Variants in CNTNAP5 observed in about 807,000 individuals in gnomAD.
CNTNAP5 encodes the protein contactin-associated protein-like 5.
A neutral mutation model predicts 150.2 loss-of-function variants in CNTNAP5; 72 were observed. That is an observed-to-expected ratio of 0.48 (90% CI 0.40 to 0.58). The LOEUF (loss-of-function observed/expected upper bound fraction) is 0.58, where lower values mean the gene tolerates loss of function less well. Ranked by LOEUF, CNTNAP5 falls within the 20% of genes least tolerant of loss-of-function variation. The probability of loss-of-function intolerance (pLI) is 0.00; values close to 1 mark genes in which losing one functional copy is unlikely to be tolerated. For synonymous variants in CNTNAP5, 672 were observed against 619.8 expected, an observed-to-expected ratio of 1.08 and a Z score of -1.25; for missense variants, 1,636 against 1,626.2, an observed-to-expected ratio of 1.01 and a Z score of -0.10.
At chr2:124,414,473 A>T (rs1296601284) in intron 3 of CNTNAP5, among the ~76,000 whole-genome samples, 1 of 152,100 alleles carries the variant, frequency 6.6e-6, no homozygotes, top group African/African-American at 2.4e-5. Flanking sequence ...CTTGACCATG[A>T]GCCTCTAAGA....
intron 1 of CNTNAP5, among the ~76,000 whole-genome samples, chr2:124,183,403 T>C (rs534650453): frequency 1.3e-5 from 2 of 152,340 alleles, no homozygotes; most frequent in East Asian, 3.9e-4. Flanking sequence ...ATAGTAAAAA[T>C]GTCTAGTTTC....
chr2:124,389,836 C>T (rs1472532472), intron 3 of CNTNAP5, among the ~76,000 whole-genome samples: 1 of 152,024 alleles, frequency 6.6e-6, no homozygotes, highest in East Asian at 1.9e-4. Context: ...TGTGGTTGTA[C>T]CTGCCTCTTG....
At chr2:124,311,587 G>T (rs917572247) in intron 3 of CNTNAP5, among the ~76,000 whole-genome samples, 2 of 152,164 alleles carry the variant, frequency 1.3e-5, no homozygotes, top group African/African-American at 4.8e-5. Flanking sequence ...GGGGGCTAAG[G>T]TTTCCATTCA....
chr2:124,886,653 A>C lies in CNTNAP5; in HGVS notation c.3437-16229A>C, dbSNP rs1346199281. The stretch of plus-strand genomic sequence containing the variant: ...CAAACCTACTTTTCAGTAGGTGATG[A>C]AAAAGAAATTGAGCTTGATGATATT... On this transcript the variant is annotated intron_variant, in intron 21 of 23. Transcript: ENST00000682447. 1.3e-5 allele frequency among the ~76,000 whole-genome samples: 2 copies of C among 152,210 alleles called. 1 individual carries two copies. Among genetic ancestry groups the C allele is most frequent in the African/African-American group, 4.8e-5 (2 of 41,538 alleles).
chr2:124,266,452 C>T (rs1687609698), intron 3 of CNTNAP5, among the ~76,000 whole-genome samples: 2 of 152,114 alleles, frequency 1.3e-5, no homozygotes, highest in South Asian at 4.2e-4. Flanking sequence ...AGCTAAATTT[C>T]GCCTTCCAAA....
intron 3 of CNTNAP5, among the ~76,000 whole-genome samples, chr2:124,385,800 C>A (rs1461134943): frequency 1.3e-5 from 2 of 151,996 alleles, no homozygotes; most frequent in African/African-American, 4.8e-5. Flanking sequence ...CCAAGAAGTG[C>A]CCCCTGAGTA....
At chr2:124,336,472 C>A (rs1689471438) in intron 3 of CNTNAP5, among the ~76,000 whole-genome samples, 1 of 151,774 alleles carries the variant, frequency 6.6e-6, no homozygotes, top group Non-Finnish European at 1.5e-5. Flanking sequence ...GTGCTGCACC[C>A]ATTGACTCGT....
intron 19 of CNTNAP5, among the ~76,000 whole-genome samples, chr2:124,863,575 C>T (rs1677568837): frequency 6.6e-6 from 1 of 152,188 alleles, no homozygotes; most frequent in Non-Finnish European, 1.5e-5. Flanking sequence ...CCTCATAGCT[C>T]CAAACTACAT....
rs200939842 is a variant in CNTNAP5, at chr2:124,372,803, C to T, written c.382-44640C>T. On this transcript the variant is annotated intron_variant, in intron 3 of 23. Coordinates refer to ENST00000682447, the MANE Select transcript of CNTNAP5 (RefSeq NM_001367498.1). Reference sequence around the variant, plus strand: ...AGAATTGTGCTAACTGGTACATGTACCAAGAATTAATAATGCAACACCCAT... The same window carrying T: ...AGAATTGTGCTAACTGGTACATGTATCAAGAATTAATAATGCAACACCCAT... 9.2e-5 allele frequency among the ~76,000 whole-genome samples: 14 copies of T among 152,048 alleles called. No homozygotes were observed. The East Asian group carries it at 2.7e-3, about 30-fold the overall frequency.
chr2:124,780,191 G>A (rs993745479), intron 17 of CNTNAP5, among the ~76,000 whole-genome samples: 2 of 152,120 alleles, frequency 1.3e-5, no homozygotes, highest in Admixed American at 6.5e-5. Flanking sequence ...ATGCAGCAAT[G>A]GATGTCCCTG....
chr2:124,126,611 GA>G (rs34076642), intron 1 of CNTNAP5, among the ~76,000 whole-genome samples: 13,711 of 152,130 alleles, frequency 0.09, 817 homozygotes, highest in East Asian at 0.36. Context: ...AACAAAAAAA[GA>G]GAATTTTAGT....
At position 124,429,361 on chromosome 2, in the gene CNTNAP5, T is replaced by A. The variant is rs1692316651; in HGVS notation, c.530-5123T>A. On this transcript the variant is annotated intron_variant, in intron 4 of 23. Coordinates refer to ENST00000682447, the MANE Select transcript of CNTNAP5 (RefSeq NM_001367498.1). ...ATTCTAAGTTAATGTACATGCTAAA[T>A]CCTAAAGAAAGTGTTGAAAAAAATC... Among the ~76,000 whole-genome samples the A allele has an allele frequency of 3.3e-5, 5 of 152,190 alleles. No individual in the cohort carries two copies. The South Asian group carries it at 1.0e-3, about 32-fold the overall frequency.
At chr2:124,536,368 C>A (rs1695231381) in intron 10 of CNTNAP5, among the ~76,000 whole-genome samples, 1 of 152,106 alleles carries the variant, frequency 6.6e-6, no homozygotes, top group African/African-American at 2.4e-5. Context: ...TGTCACCTGG[C>A]AACTTGTTAG....
chr2:124,434,259 T>G (rs1178379470), intron 4 of CNTNAP5, among the ~76,000 whole-genome samples: 4 of 152,196 alleles, frequency 2.6e-5, no homozygotes, highest in African/African-American at 4.8e-5. Flanking sequence ...ACTTCTAAAC[T>G]AATGATCAGT....
chr2:124,451,018 A>G (rs1692956351), intron 6 of CNTNAP5, among the ~76,000 whole-genome samples: 1 of 108,436 alleles, frequency 9.2e-6, no homozygotes, highest in South Asian at 3.6e-4. Context: ...GCAGAATAGG[A>G]CCATGTCTCT....
At chr2:124,625,157 A>AAC in intron 12 of CNTNAP5, among the ~76,000 whole-genome samples, 1 of 152,246 alleles carries the variant, frequency 6.6e-6, no homozygotes, top group East Asian at 1.9e-4. Context: ...ACAGTCCCTT[A>AAC]ACTCAATGCC....
intron 17 of CNTNAP5, among the ~76,000 whole-genome samples, chr2:124,774,961 C>T (rs1012866989): frequency 2.6e-5 from 4 of 152,138 alleles, no homozygotes; most frequent in Admixed American, 6.6e-5. Context: ...AAGAGCATGT[C>T]GATGGGTCTG....
chr2:124,468,785 C>T (rs1350331050), intron 6 of CNTNAP5, among the ~76,000 whole-genome samples: 1 of 152,216 alleles, frequency 6.6e-6, no homozygotes, highest in Non-Finnish European at 1.5e-5. Context: ...TTTGTACCCT[C>T]AACCTGCTCT....
intron 22 of CNTNAP5, among the ~76,000 whole-genome samples, chr2:124,906,713 A>T (rs1028921763): frequency 2.6e-5 from 4 of 152,108 alleles, no homozygotes; most frequent in African/African-American, 7.2e-5. Context: ...TGAGAAATAA[A>T]TTTTTTAACA....
Sources: allele counts gnomAD v4.1 joint callset (sites outside exome capture counted in the v4.1 genomes callset), GRCh38; gene constraint gnomAD v4.1.1; transcripts MANE v1.5; gene names NCBI Gene and HGNC (gene_info 2026-07-23, HGNC 2026-07-21).